The following PSPC1 variants were observed in gnomAD, a reference collection of about 807,000 sequenced individuals.
PSPC1 encodes paraspeckle protein 1.
A neutral mutation model predicts 51.6 loss-of-function variants in PSPC1; 14 were observed. The observed-to-expected ratio is 0.27, with a 90% confidence interval of 0.18 to 0.42. PSPC1 has a LOEUF of 0.42. PSPC1 is among the 10% of genes least tolerant of loss of function. The pLI is 1.00. For synonymous variants in PSPC1, 193 were observed against 231.9 expected (o/e 0.83, Z 1.53); for missense variants, 406 against 701.1 (o/e 0.58, Z 4.75).
chr13:19,721,712 T>C (rs1012392172), intron 6 of PSPC1, among the ~76,000 whole-genome samples: 15 of 152,194 alleles, frequency 9.9e-5, no homozygotes, highest in African/African-American at 2.9e-4. Flanking sequence ...ATGTTTTGAA[T>C]ACAGGAAACA....
chr13:19,735,188 T>C (rs955598584), intron 5 of PSPC1, among the ~76,000 whole-genome samples: 1 of 151,902 alleles, frequency 6.6e-6, no homozygotes, highest in Non-Finnish European at 1.5e-5. Flanking sequence ...GGTGGGCGCC[T>C]ATAATCCCAG....
intron 3 of PSPC1, among the ~76,000 whole-genome samples, chr13:19,756,457 A>C (rs1887081124): frequency 6.6e-6 from 1 of 152,106 alleles, no homozygotes; most frequent in South Asian, 2.1e-4. Flanking sequence ...ACGGCCACTC[A>C]GGGAGCGAGA....
chr13:19,779,833 G>A (rs1889704098), intron 1 of PSPC1, among the ~76,000 whole-genome samples: 2 of 105,382 alleles, frequency 1.9e-5, no homozygotes, highest in Non-Finnish European at 4.0e-5. Flanking sequence ...CCCTCTGCCC[G>A]GCCAGCCGCC....
chr13:19,736,495 A>G (rs970575443), intron 5 of PSPC1, among the ~76,000 whole-genome samples: 2 of 151,918 alleles, frequency 1.3e-5, no homozygotes, highest in Non-Finnish European at 2.9e-5. Flanking sequence ...CATCCTGGCT[A>G]ACACAGTGAA....
intron 5 of PSPC1, among the ~76,000 whole-genome samples, chr13:19,738,457 C>A (rs1338678827): frequency 6.6e-6 from 1 of 152,096 alleles, no homozygotes; most frequent in African/African-American, 2.4e-5. Context: ...ACTTATAATA[C>A]CTAATACAAT....
At chr13:19,724,808 G>A (rs1244528756) in intron 6 of PSPC1, among the ~76,000 whole-genome samples, 1 of 152,126 alleles carries the variant, frequency 6.6e-6, no homozygotes, top group Non-Finnish European at 1.5e-5. Flanking sequence ...AGACCATCCT[G>A]GCCAACATGG....
At chr13:19,730,978 A>AC (rs1884035896) in intron 5 of PSPC1, among the ~76,000 whole-genome samples, 1 of 142,240 alleles carries the variant, frequency 7.0e-6, no homozygotes, top group Non-Finnish European at 1.6e-5. Context: ...AAAAAAAAAA[A>AC]ACAGAAAAAG....
chr13:19,760,022 C>G (rs1217296824), intron 2 of PSPC1, among the ~76,000 whole-genome samples: 4 of 152,016 alleles, frequency 2.6e-5, no homozygotes, highest in Non-Finnish European at 5.9e-5. Context: ...GTACCTAACC[C>G]ATGTTTTATA....
At chr13:19,734,262 T>C (rs375352937) in intron 5 of PSPC1, among the ~76,000 whole-genome samples, 2 of 152,158 alleles carry the variant, frequency 1.3e-5, no homozygotes, top group East Asian at 3.9e-4. Context: ...GGAGAACTAG[T>C]AATTATGACA....
Position 19,751,326 on chromosome 13 carries a change from C to T in PSPC1, c.912G>A (p.Leu304=), listed in dbSNP as rs199657239. The T allele has an allele frequency of 1.0e-3, 1,588 of 1,575,018 alleles. 2 individuals carry two copies. Among genetic ancestry groups the T allele is most frequent in the Admixed American group, 1.2e-3 (60 of 48,120 alleles). ...GCCTAGCTGCTTCCATTTCTGCCTC[C>T]AGTTTCTCTTTGGCTTCTCTGATGT... ...DRNIREAKEK[L]EAEMEAARHE... Residue 304 remains leucine, a synonymous_variant, in exon 4 of 9, where the codon CTG becomes CTA. Transcript: ENST00000338910.
At chr13:19,740,376 A>G (rs1007094418) in intron 5 of PSPC1, among the ~76,000 whole-genome samples, 3 of 152,150 alleles carry the variant, frequency 2.0e-5, no homozygotes, top group South Asian at 4.1e-4. Flanking sequence ...GGTAGAGTAA[A>G]ATCACATAGA....
chr13:19,742,561 CA>C (rs1566017954), intron 4 of PSPC1, among the ~76,000 whole-genome samples: 1 of 151,972 alleles, frequency 6.6e-6, no homozygotes, highest in Non-Finnish European at 1.5e-5. Context: ...CAACATGGCG[CA>C]ACCCCATCTC....
intron 2 of PSPC1, among the ~76,000 whole-genome samples, chr13:19,767,331 AAAGT>A (rs1337893210): frequency 6.6e-6 from 1 of 152,126 alleles, no homozygotes; most frequent in Non-Finnish European, 1.5e-5. Context: ...TTAATAGTCG[AAAGT>A]AAGTTTTAAA....
intron 6 of PSPC1, among the ~76,000 whole-genome samples, chr13:19,696,545 A>G (rs1270579459): frequency 2.6e-5 from 4 of 151,964 alleles, no homozygotes; most frequent in Admixed American, 6.6e-5. Flanking sequence ...ATCTGACGCT[A>G]CAAAGAAAAT....
intron 6 of PSPC1, 67 bp downstream of exon 6, chr13:19,730,172 G>A (rs1435149873): frequency 1.5e-6 from 2 of 1,335,684 alleles, no homozygotes; most frequent in East Asian, 4.6e-5. Context: ...AAAATCTAAA[G>A]CATTCTAAAT....
rs559870605 is a variant in PSPC1 at position 19,745,662 on chromosome 13, C to T, written c.968-4013G>A. ...GAGATGGGAGTCTCGCTCTGTCGCC[C>T]TGGCTGGAGTGCAGTGGCGTGATCT... On this transcript the variant is annotated intron_variant, in intron 4 of 8. Transcript: ENST00000338910. 2.7e-5 allele frequency among the ~76,000 whole-genome samples: 4 copies of T among 150,122 alleles called. No homozygotes were observed. In the South Asian group the frequency reaches 8.5e-4, roughly 32 times the overall value.
chr13:19,703,946 C>A (rs781598841), intron 8 of PSPC1, among the ~76,000 whole-genome samples: 1 of 152,122 alleles, frequency 6.6e-6, no homozygotes, highest in Non-Finnish European at 1.5e-5. Flanking sequence ...AATGTAATAA[C>A]ATGCACTAAT....
intron 5 of PSPC1, among the ~76,000 whole-genome samples, chr13:19,734,703 A>G (rs1884555579): frequency 6.6e-6 from 1 of 151,964 alleles, no homozygotes; most frequent in African/African-American, 2.4e-5. Context: ...TTGGGAGGCT[A>G]AGGCAGCAGA....
chr13:19,722,976 T>C (rs1022944367), intron 6 of PSPC1, among the ~76,000 whole-genome samples: 10 of 150,684 alleles, frequency 6.6e-5, no homozygotes, highest in Admixed American at 1.3e-4. Context: ...CCGGATGTAG[T>C]GGCGAGCACC....
Sources: gnomAD v4.1 joint callset for allele counts (sites outside exome capture counted in the v4.1 genomes callset) on GRCh38, gnomAD v4.1.1 for gene constraint, MANE v1.5 for transcripts, NCBI Gene and HGNC (gene_info 2026-07-23, HGNC 2026-07-21) for gene names.